Variants in TFEC observed in about 807,000 individuals in gnomAD.
TFEC encodes transcription factor EC.
Under a neutral mutation model 41.6 loss-of-function variants are expected in TFEC, and 31 were observed. The observed-to-expected ratio is 0.74, with a 90% CI of 0.56 to 1.01. The LOEUF (loss-of-function observed/expected upper bound fraction) is 1.01. Ranked by LOEUF, TFEC falls within the 50% of genes least tolerant of loss-of-function variation. The pLI, the probability that TFEC is intolerant of heterozygous loss-of-function variation, is 0.00. For synonymous variants in TFEC, 143 were observed against 140.6 expected (o/e 1.02, Z -0.12); for missense variants, 402 against 404.1 (o/e 0.99, Z 0.04).
intron 1 of TFEC, among the ~76,000 whole-genome samples, chr7:116,113,436 A>T (rs918297668): frequency 9.2e-5 from 14 of 151,974 alleles, no homozygotes; most frequent in African/African-American, 2.7e-4. Context: ...GCTCTCAAGA[A>T]GGAACCACTC....
chr7:116,093,746 C>T (rs1013249699), intron 3 of TFEC, among the ~76,000 whole-genome samples: 9 of 152,018 alleles, frequency 5.9e-5, no homozygotes, highest in African/African-American at 2.2e-4. Context: ...ATAGGGAAAG[C>T]AAGATCAAAG....
At chr7:116,154,816 G>A (rs2116484116) in intron 1 of TFEC, among the ~76,000 whole-genome samples, 1 of 152,202 alleles carries the variant, frequency 6.6e-6, no homozygotes, top group African/African-American at 2.4e-5. Flanking sequence ...AAGATTAGAG[G>A]GTAGTAGGAG....
chr7:116,136,218 G>A (rs906808409), intron 1 of TFEC, among the ~76,000 whole-genome samples: 3 of 151,918 alleles, frequency 2.0e-5, no homozygotes, highest in Non-Finnish European at 2.9e-5. Flanking sequence ...CATTGGTAAC[G>A]AATATGACTT....
At chr7:116,059,142 A>G (rs528010778) in intron 3 of TFEC, among the ~76,000 whole-genome samples, 1 of 152,018 alleles carries the variant, frequency 6.6e-6, no homozygotes, top group South Asian at 2.1e-4. Flanking sequence ...AAAGAGAGGG[A>G]AATACAAATC....
intron 3 of TFEC, among the ~76,000 whole-genome samples, chr7:116,085,766 T>A (rs1374132944): frequency 6.6e-6 from 1 of 151,972 alleles, no homozygotes; most frequent in East Asian, 1.9e-4. Context: ...AGATTTCACC[T>A]TTAGCTGGAA....
At chr7:115,987,596 T>C (rs1170031340) in intron 1 of TFEC, among the ~76,000 whole-genome samples, 2 of 152,108 alleles carry the variant, frequency 1.3e-5, no homozygotes, top group Non-Finnish European at 2.9e-5. Flanking sequence ...TGCCCTCAAA[T>C]AGTATACAGC....
At chr7:116,128,414 A>T (rs1798259152) in intron 1 of TFEC, among the ~76,000 whole-genome samples, 2 of 152,144 alleles carry the variant, frequency 1.3e-5, no homozygotes, top group African/African-American at 4.8e-5. Flanking sequence ...CTACACATAC[A>T]ATAACTAAAA....
chr7:116,044,471 CA>C (rs1362201779), intron 3 of TFEC, among the ~76,000 whole-genome samples: 2 of 152,294 alleles, frequency 1.3e-5, no homozygotes, highest in Non-Finnish European at 2.9e-5. Context: ...GTTATAGACA[CA>C]AGAACAGCTG....
In TFEC at chr7:115,996,633, G is replaced by T. The variant is rs541798336; in HGVS notation, c.-72-12120C>A. On this transcript the variant is annotated intron_variant, in intron 1 of 7. Coordinates refer to ENST00000265440, the MANE Select transcript of TFEC (RefSeq NM_012252.4). ...GTAGAGCACCCAGTGAGCTCTTAGG[G>T]CCCTCAATTCCAGAACTTGGCTATC... 2.6e-5 allele frequency among the ~76,000 whole-genome samples: 4 copies of T among 152,106 alleles called. No homozygotes were observed. In the East Asian group the frequency reaches 7.8e-4, roughly 30 times the overall value.
chr7:116,082,624 T>C (rs1797116489), intron 3 of TFEC, among the ~76,000 whole-genome samples: 1 of 152,016 alleles, frequency 6.6e-6, no homozygotes. Flanking sequence ...TGTAGACTCA[T>C]TGATTTATTA....
At chr7:115,986,103 C>T (rs1793843229) in intron 1 of TFEC, among the ~76,000 whole-genome samples, 2 of 152,284 alleles carry the variant, frequency 1.3e-5, no homozygotes, top group East Asian at 1.9e-4. Flanking sequence ...GAAGCACTTA[C>T]TCTTGTGTTA....
chr7:115,959,514 G>A (rs1792418076), intron 3 of TFEC, among the ~76,000 whole-genome samples: 2 of 151,678 alleles, frequency 1.3e-5, no homozygotes, highest in South Asian at 2.1e-4. Context: ...AAGAAAATGA[G>A]CTAGCAGGTC....
chr7:116,029,773 T>A (rs1795725294), intron 1 of TFEC, among the ~76,000 whole-genome samples: 1 of 152,070 alleles, frequency 6.6e-6, no homozygotes, highest in Admixed American at 6.6e-5. Flanking sequence ...CTACAACTCT[T>A]TTGATTATTA....
chr7:116,081,679 A>G (rs1267385525), intron 3 of TFEC, among the ~76,000 whole-genome samples: 2 of 152,108 alleles, frequency 1.3e-5, no homozygotes, highest in Non-Finnish European at 2.9e-5. Flanking sequence ...CTCAGAATTA[A>G]GCCCAAATTC....
intron 3 of TFEC, among the ~76,000 whole-genome samples, chr7:116,064,081 G>A (rs776262702): frequency 6.6e-6 from 1 of 152,060 alleles, no homozygotes; most frequent in African/African-American, 2.4e-5. Flanking sequence ...GGATGGAGCG[G>A]GGGGGCAGTT....
chr7:115,968,383 C>T (rs921638680), intron 3 of TFEC: 40 of 1,293,852 alleles, frequency 3.1e-5, no homozygotes, highest in Middle Eastern at 4.7e-4. Flanking sequence ...AGCTTGCTCA[C>T]TGATGTTATG....
chr7:116,036,538 T>C (rs930484906), intron 3 of TFEC, among the ~76,000 whole-genome samples: 2 of 152,098 alleles, frequency 1.3e-5, no homozygotes, highest in Admixed American at 6.6e-5. Flanking sequence ...GTAGAGAGTA[T>C]ATATTAAACA....
At chr7:115,994,515 A>T (rs1794273504) in intron 1 of TFEC, among the ~76,000 whole-genome samples, 2 of 152,194 alleles carry the variant, frequency 1.3e-5, no homozygotes, top group African/African-American at 2.4e-5. Context: ...TACAAGAAAA[A>T]ATCAAACAAC....
At chr7:116,151,229 T>G (rs1331969009) in intron 1 of TFEC, among the ~76,000 whole-genome samples, 1 of 150,790 alleles carries the variant, frequency 6.6e-6, no homozygotes, top group African/African-American at 2.4e-5. Flanking sequence ...TCCTTTGATA[T>G]TATGTCAGAT....
Sources: gnomAD v4.1 joint callset for allele counts (sites outside exome capture counted in the v4.1 genomes callset) on GRCh38, gnomAD v4.1.1 for gene constraint, MANE v1.5 for transcripts, NCBI Gene and HGNC (gene_info 2026-07-23, HGNC 2026-07-21) for gene names.